Variants in DLG5 observed in about 807,000 individuals in gnomAD.
DLG5 encodes the protein discs large MAGUK scaffold protein 5.
A neutral mutation model predicts 189.8 loss-of-function variants in DLG5; 48 were observed. The ratio of observed to expected loss-of-function variants is 0.25; its 90% CI spans 0.20 to 0.32. DLG5 has a LOEUF of 0.32. Ranked by LOEUF, DLG5 falls within the 10% of genes least tolerant of loss-of-function variation. The pLI, the probability that DLG5 is intolerant of heterozygous loss-of-function variation, is 1.00. For missense variants in DLG5, 2,160 were observed against 2,544.7 expected (o/e 0.85, Z 3.25); for synonymous variants, 1,016 against 1,054.1 (o/e 0.96, Z 0.70).
At chr10:77,933,750 A>G in the DLG5 span, among the ~76,000 whole-genome samples, 1 of 151,444 alleles carries the variant, frequency 6.6e-6, no homozygotes, top group Non-Finnish European at 1.5e-5. Context: ...TTTCTTTTCT[A>G]TATTCCTGTG....
chr10:77,834,678 G>C (rs1036791359), intron 8 of DLG5, among the ~76,000 whole-genome samples: 2 of 152,048 alleles, frequency 1.3e-5, no homozygotes, highest in African/African-American at 4.8e-5. Context: ...CTCCAGAAAT[G>C]GACATACCCA....
intron 1 of DLG5, among the ~76,000 whole-genome samples, chr10:77,900,501 G>T (rs1845892280): frequency 6.6e-6 from 1 of 152,168 alleles, no homozygotes; most frequent in South Asian, 2.1e-4. Flanking sequence ...TTCCATAAGA[G>T]AAAAACGATC....
chr10:77,861,995 G>A, intron 2 of DLG5, among the ~76,000 whole-genome samples: 1 of 152,160 alleles, frequency 6.6e-6, no homozygotes, highest in East Asian at 1.9e-4. Context: ...AGGGCCACAG[G>A]GGACCTCATG....
chr10:77,904,116 G>A (rs1226658026), intron 1 of DLG5, among the ~76,000 whole-genome samples: 2 of 152,114 alleles, frequency 1.3e-5, no homozygotes, highest in Admixed American at 6.5e-5. Context: ...AAGAGTTTGA[G>A]GCTGTAGTGC....
At chr10:77,937,885 T>TTC in the DLG5 span, among the ~76,000 whole-genome samples, 1 of 147,396 alleles carries the variant, frequency 6.8e-6, no homozygotes, top group Non-Finnish European at 1.5e-5. Context: ...TTTTTTTTTT[T>TTC]TTTTTTTTTT....
chr10:77,819,237 G>A lies in DLG5; in HGVS notation c.3671+84C>T, dbSNP rs1842210790. On this transcript the variant is annotated intron_variant, in intron 17 of 31. Coordinates refer to ENST00000372391, the MANE Select transcript of DLG5 (RefSeq NM_004747.4). Reference sequence around the variant, plus strand: ...CAGGCAAGGAAGCTTCTCCACCAATGAGCCTCTTTATGCACTCATGGTTCC... The same window carrying A: ...CAGGCAAGGAAGCTTCTCCACCAATAAGCCTCTTTATGCACTCATGGTTCC... The A allele has an allele frequency of 8.8e-6, 14 of 1,596,964 alleles. No individual in the cohort carries two copies. The South Asian group carries it at 8.8e-5, about 10-fold the overall frequency.
chr10:77,926,667 G>T lies in DLG5; in HGVS notation c.-147C>A, dbSNP rs1278305341. On this transcript the variant is annotated 5_prime_UTR_variant, in exon 1 of 32. Transcript: ENST00000372391. This position sits in a 1 kb window ranked among gnomAD's most constrained non-coding sequence, Gnocchi z 5.2. ...CCATGGGCCGGGGCCTGGGCGGGCTGGGGGCCCGGGGCGGCGGGCGGCGCT... is the reference window on the plus strand; with the variant it reads ...CCATGGGCCGGGGCCTGGGCGGGCTTGGGGCCCGGGGCGGCGGGCGGCGCT... 7 of 432,722 alleles carry T rather than the reference G, an allele frequency of 1.6e-5. No homozygotes were observed. The highest frequency in any genetic ancestry group is 2.2e-5 in the Non-Finnish European group (7 of 324,956). The allele number at this position is 432,722 out of a possible 1,614,324, so 26.8% of individuals were successfully genotyped here. A position where few individuals can be genotyped will look rare whatever the true frequency, so the allele number is the denominator to read the frequency against.
At chr10:77,800,305 G>A (rs966188999) in intron 27 of DLG5, among the ~76,000 whole-genome samples, 4 of 152,222 alleles carry the variant, frequency 2.6e-5, no homozygotes, top group Non-Finnish European at 1.5e-5. Context: ...TGAAGGCATC[G>A]TAGAGTGGCA....
chr10:77,795,393 T>G (rs1360184408), intron 29 of DLG5, among the ~76,000 whole-genome samples: 2 of 152,092 alleles, frequency 1.3e-5, no homozygotes, highest in Admixed American at 1.3e-4. Context: ...TGCAGGCCCG[T>G]GCACTCCCGA....
intron 2 of DLG5, among the ~76,000 whole-genome samples, chr10:77,857,627 T>A (rs11002315): frequency 3.3e-5 from 5 of 152,078 alleles, no homozygotes; most frequent in Non-Finnish European, 5.9e-5. Flanking sequence ...GCCCCACACC[T>A]TATGCTCCTA....
At position 77,841,996 on chromosome 10, in the gene DLG5, T is replaced by C; in HGVS notation, c.1322A>G (p.Gln441Arg). ...EYKLIMSERDQVISELDKLQT... is the reference protein window; with the variant it reads ...EYKLIMSERDRVISELDKLQT... Reference sequence around the variant, plus strand: ...CAGCTTGTCCAGCTCAGAGATGACCTGGTCACGCTCACTCATGATGAGCTT... The same window carrying C: ...CAGCTTGTCCAGCTCAGAGATGACCCGGTCACGCTCACTCATGATGAGCTT... Residue 441 changes from glutamine to arginine, a missense_variant, in exon 7 of 32, where the codon CAG (glutamine) becomes CGG (arginine). By Grantham distance (43) the Gln-to-Arg change is conservative. Transcript: ENST00000372391. The C allele has an allele frequency of 6.2e-7, 1 of 1,614,226 alleles. No homozygotes were observed. Among genetic ancestry groups the C allele is most frequent in the Non-Finnish European group, 8.5e-7 (1 of 1,180,048 alleles).
chr10:77,818,509 C>G (rs986044107), intron 17 of DLG5, among the ~76,000 whole-genome samples: 2 of 152,186 alleles, frequency 1.3e-5, no homozygotes, highest in African/African-American at 4.8e-5. Flanking sequence ...GACCTCAAAC[C>G]TCTTCTTGAC....
intron 1 of DLG5, among the ~76,000 whole-genome samples, chr10:77,900,997 C>A (rs753887713): frequency 4.6e-5 from 7 of 151,892 alleles, no homozygotes; most frequent in Non-Finnish European, 7.4e-5. Flanking sequence ...CGCCTATAGT[C>A]CCAGCTACTT....
intron 1 of DLG5, among the ~76,000 whole-genome samples, chr10:77,906,219 C>T (rs962346588): frequency 6.6e-6 from 1 of 152,234 alleles, no homozygotes; most frequent in African/African-American, 2.4e-5. Flanking sequence ...TCCAGGACAG[C>T]TGCAACTGCA....
In DLG5 at chr10:77,841,941, C is replaced by T; in HGVS notation, c.1377G>A (p.Lys459=). The stretch of plus-strand genomic sequence containing the variant: ...TCTTCTCAGATGTGCTGCTCTTGAG[C>T]TTGGACTCGGCCAGCTCCACTTCGG... ...LQTEVELAES[K]LKSSTSEKKA... is the part of the protein sequence containing the mutation. The change falls in exon 7 of 32, where the codon AAG becomes AAA. Residue 459 remains lysine (K), a synonymous_variant. Coordinates refer to ENST00000372391, the MANE Select transcript of DLG5 (RefSeq NM_004747.4). 1 of 1,614,078 alleles carries T rather than the reference C, an allele frequency of 6.2e-7. No individual in the cohort carries two copies. The highest frequency in any genetic ancestry group is 8.5e-7 in the Non-Finnish European group (1 of 1,180,010).
intron 15 of DLG5, 97 bp downstream of exon 15, chr10:77,820,985 G>C (rs1223548295): frequency 6.8e-7 from 1 of 1,460,018 alleles, no homozygotes; most frequent in Non-Finnish European, 9.1e-7. Flanking sequence ...GCTAAACAGG[G>C]GCCTGGGACA....
At chr10:77,801,867 C>T (rs761487453) in intron 27 of DLG5, among the ~76,000 whole-genome samples, 5 of 152,108 alleles carry the variant, frequency 3.3e-5, no homozygotes, top group Non-Finnish European at 5.9e-5. Context: ...ACAAAAGAAG[C>T]GATGATTCAG....
chr10:77,877,494 G>A (rs1845137083), intron 1 of DLG5, among the ~76,000 whole-genome samples: 1 of 152,206 alleles, frequency 6.6e-6, no homozygotes, highest in Non-Finnish European at 1.5e-5. Flanking sequence ...CAAAGCCTGT[G>A]TCTGATGAAA....
At chr10:77,835,711 C>T in intron 8 of DLG5, 27 bp downstream of exon 8, 2 of 1,589,114 alleles carry the variant, frequency 1.3e-6, no homozygotes, top group South Asian at 2.2e-5. Flanking sequence ...AGACGCAAGC[C>T]CACGCCAGCT....
Sources: gnomAD v4.1 joint callset for allele counts (sites outside exome capture counted in the v4.1 genomes callset) on GRCh38, gnomAD v4.1.1 for gene constraint, Gnocchi (gnomAD v3.1) non-coding constraint, MANE v1.5 for transcripts, NCBI Gene and HGNC (gene_info 2026-07-23, HGNC 2026-07-21) for gene names.